The following DGKH variants were observed in gnomAD, a reference collection of about 807,000 sequenced individuals.
The protein encoded by DGKH is DAG kinase eta.
A neutral mutation model predicts 159.3 loss-of-function variants in DGKH; 90 were observed. That is an observed-to-expected ratio of 0.57 (90% CI 0.48 to 0.67). DGKH has a LOEUF of 0.67. Ranked by LOEUF, DGKH falls within the 30% of genes least tolerant of loss-of-function variation. The pLI, the probability that DGKH is intolerant of heterozygous loss-of-function variation, is 0.00. For synonymous variants in DGKH, 536 were observed against 553.8 expected, an observed-to-expected ratio of 0.97 and a Z score of 0.45; for missense variants, 1,181 against 1,506.1, an observed-to-expected ratio of 0.78 and a Z score of 3.57.
intron 1 of DGKH, among the ~76,000 whole-genome samples, chr13:42,095,775 C>G (rs1403793487): frequency 1.3e-5 from 2 of 152,182 alleles, no homozygotes; most frequent in African/African-American, 4.8e-5. Flanking sequence ...TAGCCTAATA[C>G]TGCCATAATT....
upstream of DGKH, among the ~76,000 whole-genome samples, chr13:42,048,545 C>T (rs1390053219): frequency 6.6e-6 from 1 of 152,186 alleles, no homozygotes; most frequent in African/African-American, 2.4e-5. This position sits in a 1 kb window ranked among gnomAD's most constrained non-coding sequence, Gnocchi z 6.7. Context: ...CCTCTGCGTC[C>T]CACCGTGGCC....
At chr13:42,090,849 T>A (rs1954404245) in intron 1 of DGKH, among the ~76,000 whole-genome samples, 1 of 152,086 alleles carries the variant, frequency 6.6e-6, no homozygotes, top group South Asian at 2.1e-4. Context: ...ATGGATGGCA[T>A]TAGGGTGCTT....
At chr13:42,208,235 C>T (rs917174326) in intron 21 of DGKH, among the ~76,000 whole-genome samples, 2 of 152,032 alleles carry the variant, frequency 1.3e-5, no homozygotes, top group African/African-American at 2.4e-5. Context: ...TAGCTTATTA[C>T]TTTATACTGA....
rs781298404 is a variant in DGKH, at chr13:42,190,361, AT to A, written c.1913-38del. ...GCATATCTTAATATTAATGGGCTTT[AT>A]TTTCACTTATCCAAACTATTTGTCT... On this transcript the variant is annotated intron_variant, in intron 15 of 29. Transcript: ENST00000337343. 1.3e-5 allele frequency: 21 copies of A among 1,583,840 alleles called. No homozygotes were observed. The South Asian group carries it at 2.5e-4, about 19-fold the overall frequency.
At chr13:42,226,186 A>G (rs114880851) in intron 29 of DGKH, among the ~76,000 whole-genome samples, 5,663 of 152,284 alleles carry the variant, frequency 0.037, 310 homozygotes, top group African/African-American at 0.13. Context: ...CAACAAACAT[A>G]TGAAAAAAAA....
intron 1 of DGKH, among the ~76,000 whole-genome samples, chr13:42,089,554 T>A (rs1455899654): frequency 6.6e-6 from 1 of 152,186 alleles, no homozygotes; most frequent in Non-Finnish European, 1.5e-5. Context: ...TTCTTTGCCT[T>A]CTCCAAGTGC....
intron 1 of DGKH, among the ~76,000 whole-genome samples, chr13:42,067,755 A>G (rs1882683079): frequency 1.3e-5 from 2 of 152,014 alleles, no homozygotes; most frequent in African/African-American, 4.8e-5. Context: ...TACTTCAAAC[A>G]GGATAACCAA....
At chr13:42,227,598 AC>A (rs1958166805) in intron 29 of DGKH, among the ~76,000 whole-genome samples, 1 of 152,212 alleles carries the variant, frequency 6.6e-6, no homozygotes, top group South Asian at 2.1e-4. Context: ...TAAGCTTGAT[AC>A]TTTTGCACGT....
intron 17 of DGKH, among the ~76,000 whole-genome samples, 195 bp downstream of exon 17, chr13:42,195,211 CTT>C (rs1957176095): frequency 1.3e-5 from 2 of 152,088 alleles, no homozygotes; most frequent in African/African-American, 4.8e-5. Context: ...TATTAAAACA[CTT>C]GTTTCGGCCA....
intron 1 of DGKH, among the ~76,000 whole-genome samples, chr13:42,091,505 G>A (rs1194467727): frequency 6.6e-6 from 1 of 152,120 alleles, no homozygotes; most frequent in Non-Finnish European, 1.5e-5. Context: ...CAAAGGACTT[G>A]AATAGACATT....
intron 26 of DGKH, among the ~76,000 whole-genome samples, chr13:42,217,188 A>G (rs1284963392): frequency 1.3e-5 from 2 of 152,234 alleles, no homozygotes; most frequent in Non-Finnish European, 2.9e-5. Flanking sequence ...TAACCATTTT[A>G]TACGTTTTAT....
At chr13:42,074,434 TC>T (rs1883169868) in intron 1 of DGKH, among the ~76,000 whole-genome samples, 1 of 152,208 alleles carries the variant, frequency 6.6e-6, no homozygotes, top group African/African-American at 2.4e-5. Flanking sequence ...GATTTCATCT[TC>T]CTGTTTTCCT....
intron 1 of DGKH, among the ~76,000 whole-genome samples, chr13:42,042,742 G>A (rs1880588149): frequency 6.6e-6 from 1 of 152,088 alleles, no homozygotes; most frequent in Admixed American, 6.5e-5. Context: ...TTTACAATCA[G>A]AAAGTCACAA....
At chr13:42,116,373 CT>C (rs1371050046) in intron 1 of DGKH, among the ~76,000 whole-genome samples, 1 of 152,198 alleles carries the variant, frequency 6.6e-6, no homozygotes, top group Non-Finnish European at 1.5e-5. Context: ...GAAATCTCCC[CT>C]GATCCATCTC....
At chr13:42,229,014 C>A (rs1463570787) in intron 29 of DGKH, 85 bp from the exon 30 acceptor site, 15 of 1,175,728 alleles carry the variant, frequency 1.3e-5, no homozygotes, top group African/African-American at 3.2e-5. Flanking sequence ...AACTTTTTTC[C>A]TTTTCTTTCA....
intron 1 of DGKH, among the ~76,000 whole-genome samples, chr13:42,056,348 A>G (rs1163854404): frequency 6.6e-6 from 1 of 152,156 alleles, no homozygotes; most frequent in East Asian, 1.9e-4. Context: ...TGTCATGTGT[A>G]GGGCTGGAAT....
At chr13:42,174,245 C>T (rs1454892848) in intron 12 of DGKH, 101 bp downstream of exon 12, 2 of 981,500 alleles carry the variant, frequency 2.0e-6, no homozygotes, top group Non-Finnish European at 3.1e-6. Flanking sequence ...ATTGTGGTAG[C>T]ATGTTAACTT....
chr13:42,190,904 C>A (rs1166484438), intron 16 of DGKH, among the ~76,000 whole-genome samples: 1 of 152,176 alleles, frequency 6.6e-6, no homozygotes, highest in Non-Finnish European at 1.5e-5. Context: ...GCTCTCCTAA[C>A]GCTCCAAATG....
chr13:42,195,640 T>C (rs1594186213), intron 17 of DGKH: 1 of 152,392 alleles, frequency 6.6e-6, no homozygotes, highest in East Asian at 1.9e-4. Flanking sequence ...TACTACTTCT[T>C]AAGCTTTCCT....
Sources: gnomAD v4.1 joint callset for allele counts (sites outside exome capture counted in the v4.1 genomes callset) on GRCh38, gnomAD v4.1.1 for gene constraint, Gnocchi (gnomAD v3.1) non-coding constraint, MANE v1.5 for transcripts, NCBI Gene and HGNC (gene_info 2026-07-23, HGNC 2026-07-21) for gene names.